FRMPD4: variants seen among roughly 807,000 people sequenced by gnomAD.
FRMPD4 encodes the protein FERM and PDZ domain-containing protein 4.
FRMPD4 carries 22 observed loss-of-function variants against 94.1 expected under a neutral mutation model. The ratio of observed to expected loss-of-function variants is 0.23; its 90% CI spans 0.17 to 0.33. FRMPD4 has a LOEUF of 0.33. Among genes scored for constraint, FRMPD4 ranks in the 10% least tolerant of loss-of-function variants. The probability of loss-of-function intolerance (pLI) is 1.00; values close to 1 mark genes in which losing one functional copy is unlikely to be tolerated. For synonymous variants in FRMPD4, 631 were observed against 548.6 expected (o/e 1.15, Z -2.10); for missense variants, 1,111 against 1,339.9 (o/e 0.83, Z 2.67).
chrX:12,634,921 C>T (rs1185791218), intron 4 of FRMPD4, among the ~76,000 whole-genome samples: 1 of 105,490 alleles, frequency 9.5e-6, no homozygotes, highest in Non-Finnish European at 1.9e-5. Flanking sequence ...GCAACCTCCA[C>T]CTCCAGGGCT....
chrX:12,417,933 G>T (rs1436266259), intron 1 of FRMPD4, among the ~76,000 whole-genome samples: 2 of 101,010 alleles, frequency 2.0e-5, no homozygotes, highest in Non-Finnish European at 4.0e-5. Flanking sequence ...GGCAGAGCTT[G>T]CAGTGAGCCA....
chrX:12,246,870 A>G (rs1368986160), intron 1 of FRMPD4, among the ~76,000 whole-genome samples: 1 of 111,637 alleles, frequency 9.0e-6, no homozygotes, highest in Admixed American at 9.5e-5. Context: ...ATAATTTGAA[A>G]AGAAGGTGGT....
chrX:12,692,983 C>T (rs2060092710), intron 8 of FRMPD4, among the ~76,000 whole-genome samples: 2 of 111,668 alleles, frequency 1.8e-5, no homozygotes, highest in South Asian at 3.8e-4. Flanking sequence ...GGAATCCACT[C>T]GGCTCTGCAG....
chrX:12,691,002 G>C (rs1030605875), intron 8 of FRMPD4, among the ~76,000 whole-genome samples: 1 of 111,962 alleles, frequency 8.9e-6, no homozygotes, highest in African/African-American at 3.3e-5. Flanking sequence ...TATGGAAAGG[G>C]GTAGGAGGGG....
chrX:12,601,075 C>G (rs2099386668), intron 2 of FRMPD4, among the ~76,000 whole-genome samples: 1 of 112,351 alleles, frequency 8.9e-6, no homozygotes, highest in Admixed American at 9.4e-5. Flanking sequence ...TCCTAAAATT[C>G]TCCAACAAGA....
intron 14 of FRMPD4, 25 bp downstream of exon 14, chrX:12,710,562 G>A: frequency 1.7e-6 from 2 of 1,162,767 alleles, no homozygotes; most frequent in Non-Finnish European, 2.3e-6. Context: ...AACTCATCAA[G>A]CACTGACCTC....
At chrX:12,118,467 G>A (rs574752056) in intron 3 of FRMPD4, among the ~76,000 whole-genome samples, 2 of 112,449 alleles carry the variant, frequency 1.8e-5, no homozygotes, top group South Asian at 7.3e-4. Context: ...CTAGAAATAA[G>A]CAAAACCATT....
At chrX:12,598,227 G>T (rs1267576187) in intron 2 of FRMPD4, among the ~76,000 whole-genome samples, 1 of 110,554 alleles carries the variant, frequency 9.0e-6, no homozygotes, top group Non-Finnish European at 1.9e-5. Context: ...CCAAGGGGCA[G>T]GTTTGTTTCA....
intron 3 of FRMPD4, among the ~76,000 whole-genome samples, chrX:12,058,861 G>A (rs1026296528): frequency 9.1e-6 from 1 of 110,331 alleles, no homozygotes; most frequent in African/African-American, 3.3e-5. Context: ...ATGAGTAGAG[G>A]CCAGGGATGC....
intron 2 of FRMPD4, among the ~76,000 whole-genome samples, chrX:12,570,619 C>T (rs990558126): frequency 8.9e-5 from 10 of 112,235 alleles, no homozygotes; most frequent in African/African-American, 3.2e-4. Flanking sequence ...TATTTATTTT[C>T]TAACACCACA....
At chrX:12,441,592 C>T (rs1390783829) in intron 1 of FRMPD4, among the ~76,000 whole-genome samples, 2 of 111,541 alleles carry the variant, frequency 1.8e-5, no homozygotes, top group Non-Finnish European at 3.8e-5. Flanking sequence ...CTGCCTTCTG[C>T]ATTATTTAGA....
At chrX:12,222,487 T>A (rs183772934) in intron 1 of FRMPD4, among the ~76,000 whole-genome samples, 1 of 112,127 alleles carries the variant, frequency 8.9e-6, no homozygotes, top group African/African-American at 3.2e-5. Context: ...TATTTTGACA[T>A]CGTTTTTGAG....
At chrX:11,873,046 G>A (rs757785533) in intron 2 of FRMPD4, among the ~76,000 whole-genome samples, 25 of 111,755 alleles carry the variant, frequency 2.2e-4, no homozygotes, top group Non-Finnish European at 2.8e-4. Flanking sequence ...ATGCCTGAGA[G>A]CACCAAATCT....
At chrX:12,486,751 G>T (rs2057743464) in intron 1 of FRMPD4, among the ~76,000 whole-genome samples, 1 of 112,097 alleles carries the variant, frequency 8.9e-6, no homozygotes, top group East Asian at 2.8e-4. Context: ...TTTTTGTCCT[G>T]ATTCATAAAA....
intron 1 of FRMPD4, among the ~76,000 whole-genome samples, chrX:12,229,769 A>G (rs2056963342): frequency 9.0e-6 from 1 of 111,114 alleles, no homozygotes; most frequent in Non-Finnish European, 1.9e-5. Flanking sequence ...TCTCTCCTTC[A>G]CTTCTTCACT....
At chrX:12,160,882 A>G (rs1282913075) in intron 1 of FRMPD4, among the ~76,000 whole-genome samples, 2 of 111,361 alleles carry the variant, frequency 1.8e-5, no homozygotes, top group East Asian at 2.8e-4. Context: ...GTAATCACCA[A>G]TGATATTAGA....
intron 1 of FRMPD4, among the ~76,000 whole-genome samples, chrX:12,296,740 C>T (rs1209193521): frequency 1.8e-5 from 2 of 112,425 alleles, no homozygotes; most frequent in Non-Finnish European, 3.8e-5. Flanking sequence ...GATCCCCCAG[C>T]GTCCCTGGGG....
In FRMPD4 at chrX:12,040,317, T is replaced by C. The variant is rs532276891; in HGVS notation, c.95+162299T>C. On this transcript the variant is annotated intron_variant, in intron 3 of 18. Transcript: ENST00000640291. ...TGTATCTCGTAATTTTTTTTTTTTT[T>C]TGTCTTAAAATCTGTCTTTTTTTCT... is the stretch of plus-strand genomic sequence containing the variant. Among the ~76,000 whole-genome samples the C allele has an allele frequency of 1.4e-4, 15 of 109,285 alleles. No homozygotes were observed. The South Asian group carries it at 6.0e-3, about 43-fold the overall frequency. The allele number at this position is 109,285 out of a possible 115,157, so 94.9% of individuals were successfully genotyped here.
At chrX:12,509,271 A>G (rs1369592802) in intron 2 of FRMPD4, among the ~76,000 whole-genome samples, 1 of 111,784 alleles carries the variant, frequency 8.9e-6, no homozygotes, top group Non-Finnish European at 1.9e-5. Context: ...TACGAAAAAG[A>G]TACTTGCACA....
Sources: gnomAD v4.1 joint callset for allele counts (sites outside exome capture counted in the v4.1 genomes callset) on GRCh38, gnomAD v4.1.1 for gene constraint, MANE v1.5 for transcripts, NCBI Gene and HGNC (gene_info 2026-07-23, HGNC 2026-07-21) for gene names.